The following MYO7B variants were observed in gnomAD, a reference collection of about 807,000 sequenced individuals.
MYO7B encodes unconventional myosin-VIIb.
A neutral mutation model predicts 259.7 loss-of-function variants in MYO7B; 212 were observed. The ratio of observed to expected loss-of-function variants is 0.82; its 90% CI spans 0.73 to 0.91. MYO7B has a LOEUF of 0.91. MYO7B is among the 40% of genes least tolerant of loss of function. The pLI is 0.00. For missense variants in MYO7B, 2,732 were observed against 2,813.5 expected (o/e 0.97, Z 0.66); for synonymous variants, 1,197 against 1,166.4 (o/e 1.03, Z -0.54).
chr2:127,555,966 G>C (rs904225524), intron 1 of MYO7B, among the ~76,000 whole-genome samples: 12 of 152,244 alleles, frequency 7.9e-5, no homozygotes, highest in Middle Eastern at 3.4e-3. Context: ...CTTCTGTCTT[G>C]AGGACCTGCC....
Position 127,609,907 on chromosome 2 carries a change from T to C in MYO7B, c.3083T>C (p.Val1028Ala), listed in dbSNP as rs1406906022. The change falls in exon 24 of 48, where the codon GTG (valine) becomes GCG (alanine). Residue 1028 changes from valine to alanine, a missense_variant. Transcript: ENST00000409816. This position sits in a 1 kb window ranked among gnomAD's most constrained non-coding sequence, Gnocchi z 6.9. ...TTCATGGGTGATCTCCCAGAGCCAG[T>C]GCTGTATGCCAGGAGCAGCCAGCAG... Reference protein sequence around the residue: ...LRFMGDLPEPVLYARSSQQGS... With the variant: ...LRFMGDLPEPALYARSSQQGS... The C allele has an allele frequency of 6.2e-7, 1 of 1,611,318 alleles. No homozygotes were observed. The highest frequency in any genetic ancestry group is 8.5e-7 in the Non-Finnish European group (1 of 1,178,656).
In MYO7B at chr2:127,584,227, C is replaced by A; in HGVS notation, c.1449C>A (p.Ser483=). ...AGGAGTACCGCTCGGAGAACATCTC[C>A]TGGGACTATATCCACTACACCGACA... ...EQEEYRSENI[S]WDYIHYTDNR... The change falls in exon 13 of 48, where the codon TCC becomes TCA. Residue 483 remains serine (S), a synonymous_variant. Coordinates refer to ENST00000409816, the MANE Select transcript of MYO7B (RefSeq NM_001393586.1). This position sits in a 1 kb window ranked among gnomAD's most constrained non-coding sequence, Gnocchi z 5.8. 2 of 1,614,032 alleles carry A rather than the reference C, an allele frequency of 1.2e-6. No individual in the cohort carries two copies. Among genetic ancestry groups the A allele is most frequent in the African/African-American group, 1.3e-5 (1 of 75,048 alleles).
intron 14 of MYO7B, among the ~76,000 whole-genome samples, chr2:127,587,328 G>C (rs1679343059): frequency 1.3e-5 from 2 of 152,172 alleles, no homozygotes; most frequent in Admixed American, 1.3e-4. Flanking sequence ...CTGGAGCCAT[G>C]CCTGTATTAG....
intron 1 of MYO7B, among the ~76,000 whole-genome samples, chr2:127,558,928 AT>A (rs1558798327): frequency 2.0e-5 from 3 of 152,190 alleles, no homozygotes. Context: ...AAGACTACAA[AT>A]TGGGTTCCAT....
rs1681806546 is a variant in MYO7B at position 127,636,372 on chromosome 2, C to A, written c.6123+48C>A. ...GCCTCCTACCCAAGCAGGCTCCGCT[C>A]AGCCCAGCCCCAGCAGGCCCAGCGT... On this transcript the variant is annotated intron_variant, in intron 45 of 47. Transcript: ENST00000409816. This position sits in a 1 kb window ranked among gnomAD's most constrained non-coding sequence, Gnocchi z 4.5. The A allele has an allele frequency of 1.9e-6, 3 of 1,551,900 alleles. No individual in the cohort carries two copies. The highest frequency in any genetic ancestry group is 1.8e-6 in the Non-Finnish European group (2 of 1,126,330).
chr2:127,624,087 C>T lies in MYO7B; in HGVS notation c.3820-6C>T, dbSNP rs1188615033. On this transcript the variant is annotated splice_polypyrimidine_tract_variant and splice_region_variant and intron_variant, in intron 29 of 47. Transcript: ENST00000409816. ...GCTAACCCCTGCTCCCCGACTCTGG[C>T]CTCAGTTCTGGTCCCTGGGCAGCGG... 1 of 1,556,800 alleles carries T rather than the reference C, an allele frequency of 6.4e-7. No individual in the cohort carries two copies. The highest frequency in any genetic ancestry group is 1.9e-5 in the Admixed American group (1 of 52,634).
intron 38 of MYO7B, 80 bp from the exon 39 acceptor site, chr2:127,632,166 T>C: frequency 6.7e-7 from 1 of 1,491,306 alleles, no homozygotes; most frequent in East Asian, 2.5e-5. Flanking sequence ...AGCTCTCACA[T>C]CCGTCCCTGC....
At position 127,574,019 on chromosome 2, in the gene MYO7B, G is replaced by C; in HGVS notation, c.692G>C (p.Arg231Pro). 6.2e-7 allele frequency: 1 copy of C among 1,614,022 alleles called. No homozygotes were observed. Among genetic ancestry groups the C allele is most frequent in the Non-Finnish European group, 8.5e-7 (1 of 1,179,894 alleles). ...FNPSGVIEGARIEQFLLEKSR... is the reference protein window; with the variant it reads ...FNPSGVIEGAPIEQFLLEKSR... The stretch of plus-strand genomic sequence containing the variant: ...CCCAGCGGGGTGATCGAGGGCGCGC[G>C]CATCGAGCAATTTCTCCTGGAGAAG... The change falls in exon 7 of 48, where the codon CGC (arginine) becomes CCC (proline). Residue 231 changes from arginine (R) to proline (P), a missense_variant. By Grantham distance (103) the Arg-to-Pro change is moderately radical. Coordinates refer to ENST00000409816, the MANE Select transcript of MYO7B (RefSeq NM_001393586.1).
intron 1 of MYO7B, among the ~76,000 whole-genome samples, chr2:127,553,614 C>T (rs1042538255): frequency 6.6e-6 from 1 of 151,992 alleles, no homozygotes. Context: ...TTTTGTATCC[C>T]GAAAATTTGT....
intron 15 of MYO7B, among the ~76,000 whole-genome samples, chr2:127,589,854 G>A (rs1390303469): frequency 3.6e-5 from 5 of 139,174 alleles, no homozygotes; most frequent in East Asian, 2.2e-4. Context: ...GATGGGTGGT[G>A]GGCGGGTGGA....
chr2:127,610,163 A>G (rs1680323851), intron 24 of MYO7B, 147 bp downstream of exon 24: 1 of 1,106,276 alleles, frequency 9.0e-7, no homozygotes, highest in Non-Finnish European at 1.3e-6. Context: ...CCCCCAGGCC[A>G]TGGTGCAGGC....
At position 127,584,343 on chromosome 2, in the gene MYO7B, G is replaced by A. The variant is rs374742190; in HGVS notation, c.1554+11G>A. On this transcript the variant is annotated intron_variant, in intron 13 of 47. Transcript: ENST00000409816. This position sits in a 1 kb window ranked among gnomAD's most constrained non-coding sequence, Gnocchi z 5.8. ...AGCCGCTTCCCGCAGGTGTGTGTTC[G>A]GGCCTGCCGACCTTCTGGTGGAGGC... 3.7e-5 allele frequency: 59 copies of A among 1,613,306 alleles called. No individual in the cohort carries two copies. The highest frequency in any genetic ancestry group is 3.1e-4 in the African/African-American group (23 of 74,920).
chr2:127,635,210 T>C lies in MYO7B; in HGVS notation c.5804T>C (p.Ile1935Thr). ...SPGKDVNADT[I>T]LHYHQELPKY... ...GGGAAGGATGTGAATGCAGACACCA[T>C]ACTCCATTACCACCAGGTACCGGGC... Residue 1935 changes from isoleucine (I) to threonine (T), a missense_variant, in exon 43 of 48, where the codon ATA becomes ACA. By Grantham distance (89) the Ile-to-Thr change is moderately conservative. This residue lies in a region of MYO7B where 821 missense variants were observed against 769.3 expected (regional missense o/e 1.07). Transcript: ENST00000409816. 6.2e-7 allele frequency: 1 copy of C among 1,613,320 alleles called. No homozygotes were observed. Among genetic ancestry groups the C allele is most frequent in the Non-Finnish European group, 8.5e-7 (1 of 1,179,616 alleles).
At chr2:127,567,815 A>T (rs1249283314) in intron 5 of MYO7B, among the ~76,000 whole-genome samples, 1 of 152,184 alleles carries the variant, frequency 6.6e-6, no homozygotes, top group Non-Finnish European at 1.5e-5. Flanking sequence ...AAGCGGAGAC[A>T]GACAGGCAAC....
At chr2:127,560,130 G>A (rs752575154) in intron 2 of MYO7B, among the ~76,000 whole-genome samples, 6 of 151,210 alleles carry the variant, frequency 4.0e-5, no homozygotes, top group Non-Finnish European at 8.8e-5. Context: ...GGGTTCAAGC[G>A]ATCTTCCAGC....
At chr2:127,571,508 T>A (rs1573636845) in intron 6 of MYO7B, among the ~76,000 whole-genome samples, 1 of 150,896 alleles carries the variant, frequency 6.6e-6, no homozygotes, top group Non-Finnish European at 1.5e-5. Context: ...GAGACGGAGT[T>A]TCGCTCTTGT....
chr2:127,581,943 G>C lies in MYO7B; in HGVS notation c.1133G>C (p.Arg378Pro), dbSNP rs563118213. 2.5e-6 allele frequency: 4 copies of C among 1,613,914 alleles called. No homozygotes were observed. The East Asian group carries it at 8.9e-5, about 36-fold the overall frequency. The change falls in exon 11 of 48, where the codon CGA becomes CCA. Residue 378 changes from arginine to proline, a missense_variant. Physicochemically the swap from Arg to Pro is moderately radical, Grantham distance 103 (BLOSUM62 -2). Transcript: ENST00000409816. ...DCLIKHTILI[R>P]GEFVTRSLNI... is the part of the protein sequence containing the mutation. ...CTGATCAAGCACACCATCCTCATCC[G>C]AGGGGAATTTGTCACCAGGTCCCTG...
In MYO7B at chr2:127,636,667, G is replaced by A; in HGVS notation, c.6207+39G>A. On this transcript the variant is annotated intron_variant, in intron 46 of 47. Transcript: ENST00000409816. The surrounding 1 kb of genome is among the most constrained non-coding windows in gnomAD (Gnocchi z 4.5). ...CTCCGGAGGGGCTGGGGGCCACCAGGTCCAGGGACCTGTGCAGGTGGGGCT... is the reference window on the plus strand; with the variant it reads ...CTCCGGAGGGGCTGGGGGCCACCAGATCCAGGGACCTGTGCAGGTGGGGCT... 13 of 1,607,836 alleles carry A rather than the reference G, an allele frequency of 8.1e-6. No individual in the cohort carries two copies. The highest frequency in any genetic ancestry group is 1.1e-5 in the Non-Finnish European group (13 of 1,177,108).
chr2:127,592,310 G>A (rs1282366392), intron 16 of MYO7B, among the ~76,000 whole-genome samples: 1 of 152,164 alleles, frequency 6.6e-6, no homozygotes, highest in South Asian at 2.1e-4. Context: ...CAGGAGAATC[G>A]CTTGCACCCA....
Sources: gnomAD v4.1 joint callset for allele counts (sites outside exome capture counted in the v4.1 genomes callset) on GRCh38, gnomAD v4.1.1 for gene constraint, gnomAD v4.1.1 regional missense constraint, Gnocchi (gnomAD v3.1) non-coding constraint, MANE v1.5 for transcripts, NCBI Gene and HGNC (gene_info 2026-07-23, HGNC 2026-07-21) for gene names.